Variants in BIN1 observed in about 807,000 individuals in gnomAD.
The protein encoded by BIN1 is bridging integrator 1.
BIN1 carries 53 observed loss-of-function variants against 82.0 expected under a neutral mutation model. The observed-to-expected ratio is 0.65, with a 90% CI of 0.52 to 0.81. The LOEUF is 0.81. Ranked by LOEUF, BIN1 falls within the 40% of genes least tolerant of loss-of-function variation. The probability of loss-of-function intolerance (pLI) is 0.00; values close to 1 mark genes in which losing one functional copy is unlikely to be tolerated. For missense variants in BIN1, 642 were observed against 784.4 expected (o/e 0.82, Z 2.17); for synonymous variants, 302 against 328.0 (o/e 0.92, Z 0.86).
rs1258432384 is a variant in BIN1 at position 127,090,048 on chromosome 2, G to A, written c.85-13342C>T. ...TGCCGCCCAGTGCACCTGCTCCTGC[G>A]GCTCACAGTCCACTGCAGCATGGCC... On this transcript the variant is annotated intron_variant, in intron 1 of 18. Transcript: ENST00000316724. This position sits in a 1 kb window ranked among gnomAD's most constrained non-coding sequence, Gnocchi z 6.4. 6.7e-6 allele frequency among the ~76,000 whole-genome samples: 1 copy of A among 150,312 alleles called. No homozygotes were observed. Among genetic ancestry groups the A allele is most frequent in the African/African-American group, 2.5e-5 (1 of 40,660 alleles).
At chr2:127,056,995 C>T (rs981523559) in intron 12 of BIN1, among the ~76,000 whole-genome samples, 4 of 152,386 alleles carry the variant, frequency 2.6e-5, no homozygotes, top group Non-Finnish European at 5.9e-5. Context: ...CATTCCACGC[C>T]TCTTAGGGAG....
At chr2:127,103,519 G>A (rs1680616475) in intron 1 of BIN1, among the ~76,000 whole-genome samples, 1 of 152,114 alleles carries the variant, frequency 6.6e-6, no homozygotes, top group South Asian at 2.1e-4. Context: ...GACCTGCCGG[G>A]AGGGAGGGAC....
At chr2:127,105,504 T>TCCTC (rs1558897127) in intron 1 of BIN1, among the ~76,000 whole-genome samples, 3 of 117,080 alleles carry the variant, frequency 2.6e-5, no homozygotes, top group Non-Finnish European at 5.4e-5. Flanking sequence ...TCCTCCTCCT[T>TCCTC]CCCTGGGGTG....
intron 14 of BIN1, 198 bp from the exon 15 acceptor site, chr2:127,052,560 G>A (rs150266649): frequency 2.8e-4 from 170 of 599,184 alleles, no homozygotes; most frequent in East Asian, 2.5e-3. Flanking sequence ...ACAGGCAGGT[G>A]TGACTGTGCT....
At chr2:127,064,136 G>A (rs1180801102) in intron 7 of BIN1, 118 bp from the exon 8 acceptor site, 15 of 1,177,528 alleles carry the variant, frequency 1.3e-5, no homozygotes, top group East Asian at 1.0e-4. Flanking sequence ...CCAGGGCTCC[G>A]GGCAAGACAG....
At chr2:127,092,611 G>A (rs1161386037) in intron 1 of BIN1, among the ~76,000 whole-genome samples, 1 of 152,176 alleles carries the variant, frequency 6.6e-6, no homozygotes, top group Non-Finnish European at 1.5e-5. Context: ...GCAGGGGGCA[G>A]CAAGGGCCTC....
At chr2:127,101,573 T>A (rs1248082250) in intron 1 of BIN1, among the ~76,000 whole-genome samples, 3 of 152,152 alleles carry the variant, frequency 2.0e-5, no homozygotes, top group Non-Finnish European at 4.4e-5. Context: ...AGGGGCTTGG[T>A]TCTGCTGACT....
intron 1 of BIN1, among the ~76,000 whole-genome samples, chr2:127,078,184 T>TC (rs767983098): frequency 1.5e-3 from 224 of 151,378 alleles, no homozygotes; most frequent in African/African-American, 2.2e-3. Context: ...CTGCTGCACT[T>TC]CCCCCCCCAG....
chr2:127,072,304 T>A (rs989749771), intron 2 of BIN1, among the ~76,000 whole-genome samples: 13 of 152,210 alleles, frequency 8.5e-5, no homozygotes, highest in African/African-American at 2.9e-4. Context: ...TAGCCGGGGC[T>A]GCTCTTCCTG....
At position 127,068,891 on chromosome 2, in the gene BIN1, C is replaced by T. The variant is rs780486586; in HGVS notation, c.519+33G>A. 3.8e-6 allele frequency: 6 copies of T among 1,588,202 alleles called. No homozygotes were observed. In the African/African-American group the frequency reaches 4.0e-5, roughly 11 times the overall value. On this transcript the variant is annotated intron_variant, in intron 6 of 18. Transcript: ENST00000316724. This position sits in a 1 kb window ranked among gnomAD's most constrained non-coding sequence, Gnocchi z 4.9. Reference sequence around the variant, plus strand: ...ACACCCGCCCTCTCTCAGCCCCCTGCAGACGCTGCCCCGACCCGCCTCCAG... The same window carrying T: ...ACACCCGCCCTCTCTCAGCCCCCTGTAGACGCTGCCCCGACCCGCCTCCAG...
chr2:127,098,013 C>T (rs1679817898), intron 1 of BIN1, among the ~76,000 whole-genome samples: 1 of 152,240 alleles, frequency 6.6e-6, no homozygotes, highest in African/African-American at 2.4e-5. Flanking sequence ...CTCCCCAACC[C>T]ACAGTCCTGG....
At chr2:127,100,299 G>A (rs1238946456) in intron 1 of BIN1, among the ~76,000 whole-genome samples, 1 of 151,920 alleles carries the variant, frequency 6.6e-6, no homozygotes, top group African/African-American at 2.4e-5. Flanking sequence ...GACCCCAGGT[G>A]GAGCTGGGGG....
chr2:127,070,369 A>C (rs774871813), intron 4 of BIN1, among the ~76,000 whole-genome samples, 184 bp downstream of exon 4: 1 of 152,164 alleles, frequency 6.6e-6, no homozygotes, highest in Non-Finnish European at 1.5e-5. Flanking sequence ...CATCTGACCC[A>C]CCTTGGTGTG....
chr2:127,074,613 C>T (rs1180686640), intron 2 of BIN1, among the ~76,000 whole-genome samples: 1 of 152,260 alleles, frequency 6.6e-6, no homozygotes, highest in East Asian at 1.9e-4. Flanking sequence ...GAGACAGCAA[C>T]ACTGTGGTTT....
rs2104936656 is a variant in BIN1 at position 127,057,555 on chromosome 2, G to A, written c.1049C>T (p.Ser350Phe). The change falls in exon 12 of 19, where the codon TCC becomes TTC. Residue 350 changes from serine to phenylalanine, a missense_variant. Ser to Phe is a radical substitution (Grantham distance 155). Transcript: ENST00000316724. The surrounding 1 kb of genome is among the most constrained non-coding windows in gnomAD (Gnocchi z 5.0). ...GATCTGCTCCTGCTTGACTTCCTTG[G>A]ACGGGGTGTGTTTGGGAGGCGGAGG... is the stretch of plus-strand genomic sequence containing the variant. ...PVPPPPKHTP[S>F]KEVKQEQILS... The A allele has an allele frequency of 6.5e-7, 1 of 1,543,894 alleles. No homozygotes were observed. Among genetic ancestry groups the A allele is most frequent in the South Asian group, 1.2e-5 (1 of 83,322 alleles).
chr2:127,063,631 G>A lies in BIN1; in HGVS notation c.714C>T (p.Tyr238=), dbSNP rs1137845. The change falls in exon 9 of 19, where the codon TAC becomes TAT. Residue 238 remains tyrosine, a synonymous_variant. Transcript: ENST00000316724. ...CCGCGATGCTCTGGAACGTGTTGAC[G>A]TAGAAACCTACGCGGCTACAGAAGG... ...PSLWNSRVGF[Y]VNTFQSIAGL... is the part of the protein sequence containing the mutation. 73,132 of 1,613,502 alleles carry A rather than the reference G, an allele frequency of 0.045. 3,408 individuals carry two copies. Among genetic ancestry groups the A allele is most frequent in the Admixed American group, 0.17 (10,319 of 59,818 alleles).
intron 1 of BIN1, among the ~76,000 whole-genome samples, chr2:127,088,489 A>C (rs1255643298): frequency 1.3e-5 from 2 of 152,100 alleles, no homozygotes; most frequent in Non-Finnish European, 2.9e-5. Flanking sequence ...TAATCCCAGC[A>C]CTTTGGGAGG....
chr2:127,062,657 CCT>C (rs1684653763), intron 9 of BIN1, among the ~76,000 whole-genome samples: 1 of 152,186 alleles, frequency 6.6e-6, no homozygotes, highest in Admixed American at 6.5e-5. Context: ...TGAGAATATT[CCT>C]CTCTTTGATT....
intron 18 of BIN1, among the ~76,000 whole-genome samples, chr2:127,049,080 C>G (rs1235754885): frequency 6.6e-6 from 1 of 152,244 alleles, no homozygotes; most frequent in Non-Finnish European, 1.5e-5. Flanking sequence ...TCTGGGAGTG[C>G]TGACAGGCCC....
Sources: allele counts gnomAD v4.1 joint callset (sites outside exome capture counted in the v4.1 genomes callset), GRCh38; gene constraint gnomAD v4.1.1; non-coding constraint Gnocchi (gnomAD v3.1); transcripts MANE v1.5; gene names NCBI Gene and HGNC (gene_info 2026-07-23, HGNC 2026-07-21).